CYP2S1: variants seen among roughly 807,000 people sequenced by gnomAD.
CYP2S1 encodes the protein cytochrome P450 family 2 subfamily S member 1.
Under a neutral mutation model 43.5 loss-of-function variants are expected in CYP2S1, and 32 were observed. That is an observed-to-expected ratio of 0.74 (90% confidence interval 0.56 to 0.99). The LOEUF is 0.99. CYP2S1 is among the 50% of genes least tolerant of loss of function. The probability of loss-of-function intolerance (pLI) is 0.00; values close to 1 mark genes in which losing one functional copy is unlikely to be tolerated. For missense variants in CYP2S1, 575 were observed against 673.9 expected, an observed-to-expected ratio of 0.85 and a Z score of 1.62; for synonymous variants, 283 against 302.9, an observed-to-expected ratio of 0.93 and a Z score of 0.68.
In CYP2S1 at chr19:41,193,410, G is replaced by T. The variant is rs970104453; in HGVS notation, c.146G>T (p.Arg49Leu). Residue 49 changes from arginine to leucine, a missense_variant, in exon 1 of 9, where the codon CGG (arginine) becomes CTG (leucine). By Grantham distance (102) the Arg-to-Leu change is moderately radical. Transcript: ENST00000310054. ...LPLLGNLLQL[R>L]PGALYSGLMR... Reference sequence around the variant, plus strand: ...CTGCTGGGAAACCTCCTGCAGCTACGGCCCGGGGCGCTGTATTCAGGGCTC... The same window carrying T: ...CTGCTGGGAAACCTCCTGCAGCTACTGCCCGGGGCGCTGTATTCAGGGCTC... 4 of 1,503,936 alleles carry T rather than the reference G, an allele frequency of 2.7e-6. No homozygotes were observed. In the South Asian group the frequency reaches 3.8e-5, roughly 14 times the overall value. The allele number at this position is 1,503,936 out of a possible 1,614,324, so 93.2% of individuals were successfully genotyped here.
intron 2 of CYP2S1, 32 bp downstream of exon 2, chr19:41,194,741 C>G (rs374206925): frequency 2.9e-5 from 46 of 1,587,234 alleles, no homozygotes; most frequent in Non-Finnish European, 3.8e-5. Context: ...CCTCCGCTCA[C>G]AGCCTGCCAC....
rs1429542106 is a variant in CYP2S1, at chr19:41,198,906, G to A, written c.834+18G>A. ...TGGCACAGGTGTGGGAAGGGTGCAGGGACCCCCTCTCTGAATGGGCGTGGT... is the reference window on the plus strand; with the variant it reads ...TGGCACAGGTGTGGGAAGGGTGCAGAGACCCCCTCTCTGAATGGGCGTGGT... On this transcript the variant is annotated intron_variant, in intron 5 of 8. Transcript: ENST00000310054. This position sits in a 1 kb window ranked among gnomAD's most constrained non-coding sequence, Gnocchi z 4.9. The A allele has an allele frequency of 6.3e-7, 1 of 1,593,410 alleles. No individual in the cohort carries two copies. Among genetic ancestry groups the A allele is most frequent in the Non-Finnish European group, 8.6e-7 (1 of 1,165,080 alleles).
At position 41,207,470 on chromosome 19, in the gene CYP2S1, C is replaced by T. The variant is rs977169925; in HGVS notation, c.*982C>T. ...CAATTCACCCTGTCAGGGAGTGAGC[C>T]GGATCTGACGTTCCTTGTGACTTAA... On this transcript the variant is annotated 3_prime_UTR_variant, in exon 9 of 9. Coordinates refer to ENST00000310054, the MANE Select transcript of CYP2S1 (RefSeq NM_030622.8). The T allele has an allele frequency of 1.3e-5, 2 of 153,928 alleles. No individual in the cohort carries two copies. Among genetic ancestry groups the T allele is most frequent in the African/African-American group, 4.8e-5 (2 of 41,430 alleles). 9.5% of individuals were successfully genotyped at this position (153,928 alleles called of 1,614,324 possible). A position where few individuals can be genotyped will look rare whatever the true frequency, so the allele number is the denominator to read the frequency against.
chr19:41,201,419 T>A (rs773955715), intron 6 of CYP2S1, 47 bp downstream of exon 6: 22 of 1,594,724 alleles, frequency 1.4e-5, no homozygotes, highest in Middle Eastern at 1.7e-4. Flanking sequence ...GAAGTCAGGG[T>A]TCTAGGCTGA....
chr19:41,195,030 C>G (rs1314944496), intron 2 of CYP2S1, among the ~76,000 whole-genome samples: 1 of 152,104 alleles, frequency 6.6e-6, no homozygotes, highest in Non-Finnish European at 1.5e-5. Flanking sequence ...GCAGGAGAAT[C>G]GCTTGAACCC....
At chr19:41,193,648 C>T in intron 1 of CYP2S1, 1 of 1,054,840 alleles carries the variant, frequency 9.5e-7, no homozygotes, top group Non-Finnish European at 1.2e-6. Flanking sequence ...GAGAGAGGAT[C>T]GTGGGGTGGG....
chr19:41,202,185 C>T lies in CYP2S1; in HGVS notation c.976+813C>T, dbSNP rs187201061. ...GTATGTTTAGTAGAGACAGGGTTTC[C>T]CCATGTTGGCCAGGCTGGTCCCGAA... On this transcript the variant is annotated intron_variant, in intron 6 of 8. Transcript: ENST00000310054. Among the ~76,000 whole-genome samples, 403 of 152,066 alleles carry T rather than the reference C, an allele frequency of 2.7e-3. 1 individual carries two copies. The highest frequency in any genetic ancestry group is 8.9e-3 in the African/African-American group (371 of 41,498).
rs561078531 is a variant in CYP2S1 at position 41,207,371 on chromosome 19, A to G, written c.*883A>G. On this transcript the variant is annotated 3_prime_UTR_variant, in exon 9 of 9. Transcript: ENST00000310054. The stretch of plus-strand genomic sequence containing the variant: ...CACACACATACACACTCACTGATCT[A>G]CAGCCCCTGTTCGGCGTCAGAGTCC... 6.1e-6 allele frequency: 1 copy of G among 162,646 alleles called. No individual in the cohort carries two copies. Among genetic ancestry groups the G allele is most frequent in the South Asian group, 1.8e-4 (1 of 5,684 alleles). The allele number at this position is 162,646 out of a possible 1,614,324, so 10.1% of individuals were successfully genotyped here. A position where few individuals can be genotyped will look rare whatever the true frequency, so the allele number is the denominator to read the frequency against.
chr19:41,205,380 TTCTCTCTCTCTCTTTCTTTCTC>T (rs2033556251), intron 7 of CYP2S1, among the ~76,000 whole-genome samples: 7 of 127,638 alleles, frequency 5.5e-5, no homozygotes, highest in Non-Finnish European at 8.9e-5. Flanking sequence ...CTTTCTTTCT[TTCTCTCTCTCTCTTTCTTTCTC>T]TCTTTCTTTC....
Position 41,206,883 on chromosome 19 carries a change from A to G in CYP2S1, c.*395A>G, listed in dbSNP as rs763753574. On this transcript the variant is annotated 3_prime_UTR_variant, in exon 9 of 9. Coordinates refer to ENST00000310054, the MANE Select transcript of CYP2S1 (RefSeq NM_030622.8). ...TGTTCACAGCTCACACGCCCTCTCCATTCATCGAACTTCTCAGTGTCCCTG... is the reference window on the plus strand; with the variant it reads ...TGTTCACAGCTCACACGCCCTCTCCGTTCATCGAACTTCTCAGTGTCCCTG... 1.0e-4 allele frequency: 43 copies of G among 430,850 alleles called. No homozygotes were observed. Among genetic ancestry groups the G allele is most frequent in the Non-Finnish European group, 1.9e-4 (40 of 213,302 alleles). 26.7% of individuals were successfully genotyped at this position (430,850 alleles called of 1,614,324 possible).
chr19:41,196,494 C>T (rs1313826915), intron 2 of CYP2S1, among the ~76,000 whole-genome samples: 1 of 151,902 alleles, frequency 6.6e-6, no homozygotes. Context: ...AGGGAGGATC[C>T]AGGGTGATGG....
At position 41,193,273 on chromosome 19, in the gene CYP2S1, G is replaced by A; in HGVS notation, c.9G>A (p.Ala3=). The change falls in exon 1 of 9, where the codon GCG becomes GCA. Residue 3 remains alanine, a synonymous_variant. Coordinates refer to ENST00000310054, the MANE Select transcript of CYP2S1 (RefSeq NM_030622.8). ...GGAGCCGACCTGCCGAGATGGAGGC[G>A]ACCGGCACCTGGGCGCTGCTGCTGG... ME[A]TGTWALLLAL... 1.9e-6 allele frequency: 3 copies of A among 1,542,550 alleles called. No homozygotes were observed. The highest frequency in any genetic ancestry group is 2.6e-6 in the Non-Finnish European group (3 of 1,146,504).
intron 2 of CYP2S1, 126 bp downstream of exon 2, chr19:41,194,835 G>T: frequency 7.4e-7 from 1 of 1,356,458 alleles, no homozygotes. Flanking sequence ...GTGCCCATCA[G>T]CCGGGTGCAG....
In CYP2S1 at chr19:41,193,298, G is replaced by GCGCTGGCGCTGCTCCTGCTGCTGA. The variant is rs773280588; in HGVS notation, c.46_69dup (p.Leu16_Leu23dup). On this transcript the variant is annotated inframe_insertion, in exon 1 of 9. Coordinates refer to ENST00000310054, the MANE Select transcript of CYP2S1 (RefSeq NM_030622.8). Reference sequence around the variant, plus strand: ...GACCGGCACCTGGGCGCTGCTGCTGGCGCTGGCGCTGCTCCTGCTGCTGAC... The same window carrying GCGCTGGCGCTGCTCCTGCTGCTGA: ...GACCGGCACCTGGGCGCTGCTGCTGGCGCTGGCGCTGCTCCTGCTGCTGACGCTGGCGCTGCTCCTGCTGCTGAC... 8.4e-4 allele frequency: 1,296 copies of GCGCTGGCGCTGCTCCTGCTGCTGA among 1,541,620 alleles called. 20 individuals are homozygous for GCGCTGGCGCTGCTCCTGCTGCTGA. The highest frequency in any genetic ancestry group is 1.5e-4 in the Non-Finnish European group (172 of 1,144,788).
intron 2 of CYP2S1, among the ~76,000 whole-genome samples, chr19:41,195,160 A>G (rs1483351522): frequency 2.6e-5 from 4 of 152,158 alleles, no homozygotes; most frequent in African/African-American, 9.7e-5. Context: ...GGATTGAGTG[A>G]TTGAGTGAGG....
At chr19:41,195,031 G>A (rs762418101) in intron 2 of CYP2S1, among the ~76,000 whole-genome samples, 5 of 152,138 alleles carry the variant, frequency 3.3e-5, no homozygotes, top group Middle Eastern at 3.2e-3. Context: ...CAGGAGAATC[G>A]CTTGAACCCG....
chr19:41,204,589 C>A (rs2033538068), intron 7 of CYP2S1, among the ~76,000 whole-genome samples: 2 of 136,148 alleles, frequency 1.5e-5, no homozygotes, highest in Non-Finnish European at 1.5e-5. Context: ...TTTTCTTCTT[C>A]TTCTTTTTTT....
At position 41,207,023 on chromosome 19, in the gene CYP2S1, A is replaced by AATGATACG; in HGVS notation, c.*535_*536insATGATACG. 5.8e-6 allele frequency: 2 copies of AATGATACG among 342,268 alleles called. No individual in the cohort carries two copies. Among genetic ancestry groups the AATGATACG allele is most frequent in the South Asian group, 2.2e-5 (1 of 44,668 alleles). 21.2% of individuals were successfully genotyped at this position (342,268 alleles called of 1,614,324 possible). ...CCTCTCTTGGCTACACCACTCTCCC[A>AATGATACG]GCCTGTGACCACCGATGTCCACACA... is the stretch of plus-strand genomic sequence containing the variant. On this transcript the variant is annotated 3_prime_UTR_variant, in exon 9 of 9. Transcript: ENST00000310054.
At chr19:41,202,287 C>T (rs2033500166) in intron 6 of CYP2S1, among the ~76,000 whole-genome samples, 1 of 152,090 alleles carries the variant, frequency 6.6e-6, no homozygotes. Flanking sequence ...GGCACCCAGC[C>T]CAACTCTAGC....
Sources: gnomAD v4.1 joint callset for allele counts (sites outside exome capture counted in the v4.1 genomes callset) on GRCh38, gnomAD v4.1.1 for gene constraint, Gnocchi (gnomAD v3.1) non-coding constraint, MANE v1.5 for transcripts, NCBI Gene and HGNC (gene_info 2026-07-23, HGNC 2026-07-21) for gene names.